The following NLGN1 variants were observed in gnomAD, a reference collection of about 807,000 sequenced individuals.
NLGN1 encodes the protein neuroligin 1.
NLGN1 carries 12 observed loss-of-function variants against 65.5 expected under a neutral mutation model. That is an observed-to-expected ratio of 0.18 (90% CI 0.12 to 0.30). NLGN1 has a LOEUF of 0.30. Ranked by LOEUF, NLGN1 falls within the 10% of genes least tolerant of loss-of-function variation. The pLI, the probability that NLGN1 is intolerant of heterozygous loss-of-function variation, is 1.00. For missense variants in NLGN1, 750 were observed against 1,007.1 expected (o/e 0.74, Z 3.46); for synonymous variants, 350 against 359.5 (o/e 0.97, Z 0.30).
intron 2 of NLGN1, among the ~76,000 whole-genome samples, chr3:173,558,491 CTT>C (rs1018405906): frequency 2.9e-4 from 44 of 152,202 alleles, no homozygotes; most frequent in Middle Eastern, 3.4e-3. Flanking sequence ...GCACTAAACT[CTT>C]TCATTTTTTA....
At chr3:174,041,460 T>A (rs947578955) in intron 4 of NLGN1, among the ~76,000 whole-genome samples, 1 of 152,180 alleles carries the variant, frequency 6.6e-6, no homozygotes, top group Admixed American at 6.6e-5. Flanking sequence ...TGTACAAATA[T>A]TTTTGTGAAT....
At chr3:173,950,533 CT>C (rs1211729170) in intron 4 of NLGN1, among the ~76,000 whole-genome samples, 1 of 152,152 alleles carries the variant, frequency 6.6e-6, no homozygotes. Flanking sequence ...TCCTAAACAA[CT>C]GGGTGTGGTG....
intron 4 of NLGN1, among the ~76,000 whole-genome samples, chr3:174,094,169 ATTTAC>A (rs1745029147): frequency 6.6e-6 from 1 of 152,194 alleles, no homozygotes; most frequent in African/African-American, 2.4e-5. Flanking sequence ...TAAACTGTTT[ATTTAC>A]TTTATATTTT....
chr3:173,476,643 C>T (rs1043657526), intron 2 of NLGN1, among the ~76,000 whole-genome samples: 1 of 152,136 alleles, frequency 6.6e-6, no homozygotes, highest in Non-Finnish European at 1.5e-5. Flanking sequence ...TCTTCCTGTG[C>T]TACACTAAGG....
chr3:173,758,252 T>C (rs1578290121), intron 3 of NLGN1, among the ~76,000 whole-genome samples: 2 of 152,016 alleles, frequency 1.3e-5, no homozygotes, highest in African/African-American at 2.4e-5. Flanking sequence ...ATCTTGGATT[T>C]CCCAGCCTCC....
chr3:173,586,658 T>C (rs1249188736), intron 2 of NLGN1, among the ~76,000 whole-genome samples: 1 of 152,202 alleles, frequency 6.6e-6, no homozygotes, highest in Non-Finnish European at 1.5e-5. Flanking sequence ...GAAATAACAA[T>C]AAATAGTTTC....
intron 2 of NLGN1, among the ~76,000 whole-genome samples, chr3:173,518,061 G>A (rs1734139182): frequency 6.6e-6 from 1 of 152,088 alleles, no homozygotes; most frequent in African/African-American, 2.4e-5. Context: ...ATTTTGAAAG[G>A]TTTTACTAAG....
At chr3:173,586,967 G>A (rs1434274105) in intron 2 of NLGN1, among the ~76,000 whole-genome samples, 1 of 152,164 alleles carries the variant, frequency 6.6e-6, no homozygotes, top group Non-Finnish European at 1.5e-5. Context: ...AGTGGTAATA[G>A]CAAATAAGTA....
At position 173,473,772 on chromosome 3, in the gene NLGN1, C is replaced by T. The variant is rs115357771; in HGVS notation, c.-321+38694C>T. 6.0e-3 allele frequency among the ~76,000 whole-genome samples: 921 copies of T among 152,280 alleles called. 15 individuals carry two copies. The highest frequency in any genetic ancestry group is 0.021 in the African/African-American group (889 of 41,558). On this transcript the variant is annotated intron_variant, in intron 2 of 6. Coordinates refer to ENST00000457714, the Ensembl canonical transcript of NLGN1. ...CCTACTCAGTTCCCAAATAAATAATCTCAAGTCAACTTCTCTGCATCATTT... is the reference window on the plus strand; with the variant it reads ...CCTACTCAGTTCCCAAATAAATAATTTCAAGTCAACTTCTCTGCATCATTT...
chr3:173,756,402 A>G, intron 3 of NLGN1, among the ~76,000 whole-genome samples: 1 of 152,006 alleles, frequency 6.6e-6, no homozygotes, highest in East Asian at 1.9e-4. Flanking sequence ...AATCAAAATA[A>G]TTAGTGTAAG....
At chr3:174,195,424 A>G (rs1319162029) in intron 4 of NLGN1, among the ~76,000 whole-genome samples, 2 of 152,226 alleles carry the variant, frequency 1.3e-5, no homozygotes, top group Non-Finnish European at 2.9e-5. Context: ...AGACTTATGA[A>G]TAATGAAGAG....
At chr3:174,270,718 T>C (rs1211020986) in intron 4 of NLGN1, among the ~76,000 whole-genome samples, 2 of 151,762 alleles carry the variant, frequency 1.3e-5, no homozygotes, top group East Asian at 3.9e-4. Flanking sequence ...AATAAGTCCG[T>C]GACATGAAGT....
chr3:173,688,314 T>G (rs1764973246), intron 3 of NLGN1, among the ~76,000 whole-genome samples: 1 of 152,166 alleles, frequency 6.6e-6, no homozygotes, highest in Non-Finnish European at 1.5e-5. Context: ...GAGGATGCAA[T>G]GGAATCCTCT....
intron 4 of NLGN1, among the ~76,000 whole-genome samples, chr3:174,008,234 C>A (rs1724841290): frequency 6.6e-6 from 1 of 152,070 alleles, no homozygotes; most frequent in African/African-American, 2.4e-5. Context: ...CTCACAATAT[C>A]TCTTAAAACT....
chr3:174,026,977 AG>A (rs1728959684), intron 4 of NLGN1, among the ~76,000 whole-genome samples: 1 of 152,144 alleles, frequency 6.6e-6, no homozygotes, highest in Non-Finnish European at 1.5e-5. Context: ...TATATGTAAA[AG>A]ATTGATTGTC....
At chr3:174,046,629 T>C (rs896233647) in intron 4 of NLGN1, among the ~76,000 whole-genome samples, 1 of 152,144 alleles carries the variant, frequency 6.6e-6, no homozygotes, top group African/African-American at 2.4e-5. Flanking sequence ...CATGCAAGTT[T>C]GTGACTGTTT....
At chr3:173,895,445 A>C (rs1736173081) in intron 4 of NLGN1, among the ~76,000 whole-genome samples, 1 of 152,102 alleles carries the variant, frequency 6.6e-6, no homozygotes, top group Non-Finnish European at 1.5e-5. Flanking sequence ...AGAAGCCAAA[A>C]TATGGTAAAG....
chr3:174,094,746 TAAAAAA>T (rs5854552), intron 4 of NLGN1, among the ~76,000 whole-genome samples: 2 of 88,906 alleles, frequency 2.2e-5, no homozygotes, highest in East Asian at 6.3e-4. Flanking sequence ...TTGGCTCCGC[TAAAAAA>T]AAAAAAAAAA....
chr3:174,138,188 CG>C (rs1721570636), intron 4 of NLGN1, among the ~76,000 whole-genome samples: 1 of 151,866 alleles, frequency 6.6e-6, no homozygotes, highest in Non-Finnish European at 1.5e-5. Flanking sequence ...GGAATTTACC[CG>C]CATACTATAT....
Sources: gnomAD v4.1 joint callset for allele counts (sites outside exome capture counted in the v4.1 genomes callset) on GRCh38, gnomAD v4.1.1 for gene constraint, MANE v1.5 for transcripts, NCBI Gene and HGNC (gene_info 2026-07-23, HGNC 2026-07-21) for gene names.